The following CEP290 variants were observed in gnomAD, a reference collection of about 807,000 sequenced individuals.
CEP290 encodes centrosomal protein 290.
Under a neutral mutation model 344.9 loss-of-function variants are expected in CEP290, and 317 were observed. The observed-to-expected ratio is 0.92, with a 90% confidence interval of 0.84 to 1.01. CEP290 has a LOEUF of 1.01. CEP290 is among the 50% of genes least tolerant of loss of function. The pLI, the probability that CEP290 is intolerant of heterozygous loss-of-function variation, is 0.00. For synonymous variants in CEP290, 932 were observed against 895.8 expected, an observed-to-expected ratio of 1.04 and a Z score of -0.72; for missense variants, 2,754 against 2,761.4, an observed-to-expected ratio of 1.00 and a Z score of 0.06.
chr12:88,137,139 A>G (rs559775875), intron 5 of CEP290, among the ~76,000 whole-genome samples: 1 of 152,120 alleles, frequency 6.6e-6, no homozygotes. Context: ...CACCCCAGTC[A>G]GTGAAGCTGA....
At position 88,089,276 on chromosome 12, in the gene CEP290, T is replaced by A. The variant is rs752253318; in HGVS notation, c.3785A>T (p.His1262Leu). The A allele has an allele frequency of 1.1e-5, 17 of 1,613,900 alleles. No homozygotes were observed. The African/African-American group carries it at 1.7e-4, about 16-fold the overall frequency. The stretch of plus-strand genomic sequence containing the variant: ...TAGAGACTGAATTGTTTGGCGCAGA[T>A]GTTTTGCTCTGTTTCTTCCCTCCAA... ...ARLEGRNRAK[H>L]LRQTIQSLRR... is the part of the protein sequence containing the mutation. Residue 1262 changes from histidine to leucine, a missense_variant, in exon 31 of 54, where the codon CAT (histidine) becomes CTT (leucine). Coordinates refer to ENST00000552810, the MANE Select transcript of CEP290 (RefSeq NM_025114.4).
intron 23 of CEP290, 106 bp from the exon 24 acceptor site, chr12:88,107,204 G>A: frequency 1.6e-6 from 1 of 630,520 alleles, no homozygotes; most frequent in East Asian, 3.1e-5. Context: ...CAACACAAGA[G>A]GTATCATAGC....
chr12:88,109,032 G>T (rs1592597705), intron 23 of CEP290, 34 bp downstream of exon 23: 1 of 662,668 alleles, frequency 1.5e-6, no homozygotes, highest in East Asian at 3.2e-5. Context: ...AGAATATACT[G>T]CAATTATATT....
At chr12:88,091,695 T>C (rs2037058661) in intron 29 of CEP290, among the ~76,000 whole-genome samples, 1 of 152,116 alleles carries the variant, frequency 6.6e-6, no homozygotes, top group Non-Finnish European at 1.5e-5. Context: ...GGGTCTTTCA[T>C]AGTGAAAAAG....
chr12:88,064,072 T>A lies in CEP290; in HGVS notation c.6179A>T (p.Glu2060Val). Reference protein sequence around the residue: ...ESDDHCQREQELQKENLKLSS... With the variant: ...ESDDHCQREQVLQKENLKLSS... Reference sequence around the variant, plus strand: ...CAACTTCAAGTTTTCCTTCTGAAGCTCCTGTTCTCTCTGACAATGATCATC... The same window carrying A: ...CAACTTCAAGTTTTCCTTCTGAAGCACCTGTTCTCTCTGACAATGATCATC... The change falls in exon 45 of 54, where the codon GAG (glutamate) becomes GTG (valine). Residue 2060 changes from glutamate to valine, a missense_variant. Coordinates refer to ENST00000552810, the MANE Select transcript of CEP290 (RefSeq NM_025114.4). 6.3e-7 allele frequency: 1 copy of A among 1,584,668 alleles called. No homozygotes were observed. Among genetic ancestry groups the A allele is most frequent in the East Asian group, 2.3e-5 (1 of 44,076 alleles).
Position 88,055,716 on chromosome 12 carries a change from T to C in CEP290, c.6820A>G (p.Met2274Val), listed in dbSNP as rs1326611388. ...KSWKSIVVTR[M>V]YETKLKELET... ...AATTCTTTTAACTTGGTTTCATACA[T>C]TCTAAAAGTATAAGGAAAAAAAGTA... Residue 2274 changes from methionine (M) to valine (V), a missense_variant and splice_region_variant, in exon 50 of 54, where the codon ATG becomes GTG. Transcript: ENST00000552810. The C allele has an allele frequency of 8.0e-6, 12 of 1,501,760 alleles. No homozygotes were observed. The highest frequency in any genetic ancestry group is 1.1e-5 in the Non-Finnish European group (12 of 1,120,152). 93.0% of individuals were successfully genotyped at this position (1,501,760 alleles called of 1,614,324 possible). A position where few individuals can be genotyped will look rare whatever the true frequency, so the allele number is the denominator to read the frequency against.
intron 26 of CEP290, among the ~76,000 whole-genome samples, chr12:88,101,263 C>T (rs2037853272): frequency 1.3e-5 from 2 of 151,650 alleles, no homozygotes; most frequent in Non-Finnish European, 2.9e-5. Flanking sequence ...GGGTGGATCA[C>T]GAGTTCAGGA....
In CEP290 at chr12:88,131,245, TAAG is replaced by T. The variant is rs545160731; in HGVS notation, c.442-30_442-28del. ...TAAAATAGTAAAAAAAAAAAATAAATAAGAAGAAGATAAAATTCAGCAGTAATT... is the reference window on the plus strand; with the variant it reads ...TAAAATAGTAAAAAAAAAAAATAAATAAGAAGATAAAATTCAGCAGTAATT... On this transcript the variant is annotated intron_variant, in intron 6 of 53. Transcript: ENST00000552810. The T allele has an allele frequency of 1.8e-4, 254 of 1,419,790 alleles. No individual in the cohort carries two copies. The East Asian group carries it at 2.7e-3, about 15-fold the overall frequency. The allele number at this position is 1,419,790 out of a possible 1,614,324, so 87.9% of individuals were successfully genotyped here.
intron 53 of CEP290, chr12:88,049,810 CTA>C (rs145452070): frequency 0.05 from 7,797 of 156,642 alleles, 675 homozygotes; most frequent in African/African-American, 0.18. Context: ...TTACTAATAT[CTA>C]ATATTTAATG....
Position 88,107,083 on chromosome 12 carries a change from C to T in CEP290, c.2499G>A (p.Trp833Ter), listed in dbSNP as rs2137624440. Residue 833 changes from tryptophan to a stop codon, truncating the protein, a stop_gained, in exon 24 of 54, where the codon TGG (tryptophan) becomes TGA (stop). Coordinates refer to ENST00000552810, the MANE Select transcript of CEP290 (RefSeq NM_025114.4). LOFTEE classifies it high-confidence loss of function. Reference protein sequence around the residue: ...YKEYLSEKETWKTESKTIKEE... With the variant: ...YKEYLSEKET Reference sequence around the variant, plus strand: ...CTTTTATTGTTTTAGATTCTGTTTTCCAGGTCTCCTTTTCACTAAAAACAA... The same window carrying T: ...CTTTTATTGTTTTAGATTCTGTTTTTCAGGTCTCCTTTTCACTAAAAACAA... 1 of 1,541,826 alleles carries T rather than the reference C, an allele frequency of 6.5e-7. No homozygotes were observed.
intron 13 of CEP290, among the ~76,000 whole-genome samples, chr12:88,121,478 C>A (rs2137927163): frequency 6.6e-6 from 1 of 152,164 alleles, no homozygotes; most frequent in African/African-American, 2.4e-5. Context: ...CTTTTGTCCA[C>A]TGTACTAAAA....
At chr12:88,079,568 A>G (rs998700520) in intron 38 of CEP290, among the ~76,000 whole-genome samples, 3 of 152,160 alleles carry the variant, frequency 2.0e-5, no homozygotes, top group Non-Finnish European at 2.9e-5. Flanking sequence ...ACATCCTTCC[A>G]TATGAAATTA....
At position 88,106,675 on chromosome 12, in the gene CEP290, C is replaced by T. The variant is rs1169245818; in HGVS notation, c.2817G>A (p.Lys939=). 1.2e-6 allele frequency: 2 copies of T among 1,602,000 alleles called. No individual in the cohort carries two copies. Among genetic ancestry groups the T allele is most frequent in the South Asian group, 1.1e-5 (1 of 89,020 alleles). The part of the protein sequence containing the change: ...CEKIGCLQRF[K]EMAIFKIAAL... The stretch of plus-strand genomic sequence containing the variant: ...AAAGCAAAATAAGAATCAGATGTAC[C>T]TTAAATCTTTGCAAACACCCAATTT... Residue 939 remains lysine (K), a splice_region_variant and synonymous_variant, in exon 25 of 54, where the codon AAG becomes AAA. Coordinates refer to ENST00000552810, the MANE Select transcript of CEP290 (RefSeq NM_025114.4).
At chr12:88,088,115 A>T (rs1202834549) in intron 31 of CEP290, among the ~76,000 whole-genome samples, 171 bp from the exon 32 acceptor site, 5 of 152,176 alleles carry the variant, frequency 3.3e-5, no homozygotes, top group African/African-American at 1.2e-4. Context: ...ATTTCCATAG[A>T]CTTTTCTACA....
chr12:88,135,941 T>C (rs1363867392), intron 6 of CEP290: 2 of 152,156 alleles, frequency 1.3e-5, no homozygotes, highest in African/African-American at 4.8e-5. Flanking sequence ...ATACATTAAA[T>C]AGGAAGCTGA....
At chr12:88,072,984 G>A (rs1186009320) in intron 41 of CEP290, among the ~76,000 whole-genome samples, 1 of 152,052 alleles carries the variant, frequency 6.6e-6, no homozygotes, top group East Asian at 1.9e-4. Context: ...TTCAGGGGTA[G>A]GTGTCATGGT....
rs937100508 is a variant in CEP290, at chr12:88,119,765, C to A, written c.1522+349G>T. On this transcript the variant is annotated intron_variant, in intron 15 of 53. Coordinates refer to ENST00000552810, the MANE Select transcript of CEP290 (RefSeq NM_025114.4). Reference sequence around the variant, plus strand: ...TCTCATCTGTTACAAGAGCATTTTGCAAACAAACATGGGTAATACAGACCC... The same window carrying A: ...TCTCATCTGTTACAAGAGCATTTTGAAAACAAACATGGGTAATACAGACCC... Among the ~76,000 whole-genome samples the A allele has an allele frequency of 1.1e-4, 16 of 152,002 alleles. No individual in the cohort carries two copies. In the South Asian group the frequency reaches 1.7e-3, roughly 16 times the overall value.
chr12:88,140,125 C>T (rs1241282047), intron 3 of CEP290, among the ~76,000 whole-genome samples: 1 of 152,012 alleles, frequency 6.6e-6, no homozygotes, highest in Non-Finnish European at 1.5e-5. Flanking sequence ...TCCTTTTTAC[C>T]TCAAGTCCTC....
At chr12:88,101,830 A>C (rs1157549822) in intron 26 of CEP290, among the ~76,000 whole-genome samples, 1 of 152,194 alleles carries the variant, frequency 6.6e-6, no homozygotes, top group Non-Finnish European at 1.5e-5. Flanking sequence ...ATAAATTATC[A>C]CCACACTAAA....
Sources: allele counts gnomAD v4.1 joint callset (sites outside exome capture counted in the v4.1 genomes callset), GRCh38; gene constraint gnomAD v4.1.1; transcripts MANE v1.5; gene names NCBI Gene and HGNC (gene_info 2026-07-23, HGNC 2026-07-21).